The following QTRT1 variants were observed in gnomAD, a reference collection of about 807,000 sequenced individuals.
QTRT1 encodes the protein queuine tRNA-ribosyltransferase catalytic subunit 1.
Under a neutral mutation model 44.0 loss-of-function variants are expected in QTRT1, and 41 were observed. The observed-to-expected ratio is 0.93, with a 90% confidence interval of 0.73 to 1.21. The LOEUF is 1.21. QTRT1 is among the 50% of genes most tolerant of loss of function. The pLI, the probability that QTRT1 is intolerant of heterozygous loss-of-function variation, is 0.00. For missense variants in QTRT1, 542 were observed against 575.8 expected (o/e 0.94, Z 0.60); for synonymous variants, 226 against 237.1 (o/e 0.95, Z 0.43).
At position 10,712,285 on chromosome 19, in the gene QTRT1, T is replaced by C. The variant is rs1248351770; in HGVS notation, c.771T>C (p.Tyr257=). The stretch of plus-strand genomic sequence containing the variant: ...GGCTGCCGAAGGACAAGCCCCGATA[T>C]CTGATGGGGGTTGGGTATGTTGTGG... ...TSRLPKDKPR[Y]LMGVGYATDL... is the part of the protein sequence containing the mutation. The change falls in exon 6 of 10, where the codon TAT becomes TAC. Residue 257 remains tyrosine, a synonymous_variant. Transcript: ENST00000250237. This position sits in a 1 kb window ranked among gnomAD's most constrained non-coding sequence, Gnocchi z 5.6. 1 of 1,612,484 alleles carries C rather than the reference T, an allele frequency of 6.2e-7. No homozygotes were observed. Among genetic ancestry groups the C allele is most frequent in the East Asian group, 2.2e-5 (1 of 44,888 alleles).
chr19:10,704,991 C>T (rs1171592195), intron 3 of QTRT1, among the ~76,000 whole-genome samples: 3 of 151,302 alleles, frequency 2.0e-5, no homozygotes, highest in African/African-American at 7.3e-5. Context: ...TCTTGGCTCA[C>T]TGCAACCTCT....
rs892695956 is a variant in QTRT1, at chr19:10,712,056, ACTCT to A, written c.647-101_647-98del. ...CTGTCTGTCTCTGTCTGTTTCTCTG[ACTCT>A]CTCCCTGAGCGACTCTGGAAGTCTG... On this transcript the variant is annotated intron_variant, in intron 5 of 9. Transcript: ENST00000250237. The surrounding 1 kb of genome is among the most constrained non-coding windows in gnomAD (Gnocchi z 5.6). The A allele has an allele frequency of 1.4e-4, 195 of 1,416,860 alleles. 2 individuals are homozygous for A. The Admixed American group carries it at 3.3e-3, about 24-fold the overall frequency. 87.8% of individuals were successfully genotyped at this position (1,416,860 alleles called of 1,614,324 possible).
intron 3 of QTRT1, among the ~76,000 whole-genome samples, chr19:10,704,410 C>T (rs1269839363): frequency 6.6e-6 from 1 of 151,696 alleles, no homozygotes; most frequent in East Asian, 1.9e-4. Context: ...TCTCCTGCCT[C>T]AGCCTCCGGA....
At chr19:10,705,840 CTTTTTTTTTTTTTTT>C (rs71164114) in intron 3 of QTRT1, among the ~76,000 whole-genome samples, 2 of 37,700 alleles carry the variant, frequency 5.3e-5, no homozygotes, top group Admixed American at 7.9e-4. Context: ...CTGGCCTGTT[CTTTTTTTTTTTTTTT>C]TTTTTTTTTT....
intron 5 of QTRT1, among the ~76,000 whole-genome samples, chr19:10,708,439 T>C (rs1350424865): frequency 6.6e-6 from 1 of 152,170 alleles, no homozygotes; most frequent in Non-Finnish European, 1.5e-5. Flanking sequence ...ACCTTTTACA[T>C]GCAATGCTTT....
rs192025235 is a variant in QTRT1 at position 10,709,569 on chromosome 19, C to T, written c.646+1954C>T. 1.8e-4 allele frequency among the ~76,000 whole-genome samples: 28 copies of T among 152,230 alleles called. No individual in the cohort carries two copies. The East Asian group carries it at 3.7e-3, about 20-fold the overall frequency. ...TCTACTAAAAATACAAAAATTAGGCCGGGCGTGGTGGCTCGCGCCTGTAAT... is the reference window on the plus strand; with the variant it reads ...TCTACTAAAAATACAAAAATTAGGCTGGGCGTGGTGGCTCGCGCCTGTAAT... On this transcript the variant is annotated intron_variant, in intron 5 of 9. Transcript: ENST00000250237.
chr19:10,706,396 G>A (rs1443894718), intron 3 of QTRT1, among the ~76,000 whole-genome samples: 4 of 151,780 alleles, frequency 2.6e-5, no homozygotes, highest in Admixed American at 1.3e-4. Context: ...TTTTTGAGAC[G>A]GTGTCTCGCT....
At position 10,712,693 on chromosome 19, in the gene QTRT1, G is replaced by C; in HGVS notation, c.861+65G>C. On this transcript the variant is annotated intron_variant, in intron 7 of 9. Coordinates refer to ENST00000250237, the MANE Select transcript of QTRT1 (RefSeq NM_031209.3). The surrounding 1 kb of genome is among the most constrained non-coding windows in gnomAD (Gnocchi z 5.6). ...TGGGGGACTAGGGAGGCAAGGTTAG[G>C]GGTGGGGGGTGGGGAGAATGAAGCC... 1 of 694,992 alleles carries C rather than the reference G, an allele frequency of 1.4e-6. No individual in the cohort carries two copies. Among genetic ancestry groups the C allele is most frequent in the Non-Finnish European group, 2.4e-6 (1 of 410,982 alleles). The allele number at this position is 694,992 out of a possible 1,614,324, so 43.1% of individuals were successfully genotyped here.
chr19:10,713,069 G>C lies in QTRT1; in HGVS notation c.1059+29G>C. The C allele has an allele frequency of 6.2e-7, 1 of 1,608,944 alleles. No homozygotes were observed. Among genetic ancestry groups the C allele is most frequent in the Non-Finnish European group, 8.5e-7 (1 of 1,179,692 alleles). On this transcript the variant is annotated intron_variant, in intron 9 of 9. Transcript: ENST00000250237. The surrounding 1 kb of genome is among the most constrained non-coding windows in gnomAD (Gnocchi z 4.3). ...AGCCAGTGCCCGGGGCAAGGTGGGCGGGGGTGTCCTAGGTGCGTATGCCCC... is the reference window on the plus strand; with the variant it reads ...AGCCAGTGCCCGGGGCAAGGTGGGCCGGGGTGTCCTAGGTGCGTATGCCCC...
At position 10,701,701 on chromosome 19, in the gene QTRT1, C is replaced by T; in HGVS notation, c.241C>T (p.Pro81Ser). 6.3e-7 allele frequency: 1 copy of T among 1,575,484 alleles called. No individual in the cohort carries two copies. The highest frequency in any genetic ancestry group is 1.3e-5 in the African/African-American group (1 of 74,136). ...LGNTYHLGLR[P>S]GPELIQKANG... Reference sequence around the variant, plus strand: ...CAATACCTACCATCTGGGTCTAAGGCCGGTGGGTGGGCTCTGCCCGCGCGG... The same window carrying T: ...CAATACCTACCATCTGGGTCTAAGGTCGGTGGGTGGGCTCTGCCCGCGCGG... The change falls in exon 1 of 10, where the codon CCG becomes TCG. Residue 81 changes from proline to serine, a missense_variant and splice_region_variant. Physicochemically the swap from Pro to Ser is moderately conservative, Grantham distance 74. Transcript: ENST00000250237.
chr19:10,701,785 T>G, intron 1 of QTRT1, 82 bp downstream of exon 1: 2 of 1,563,082 alleles, frequency 1.3e-6, no homozygotes, highest in Non-Finnish European at 1.7e-6. Flanking sequence ...GCCCGGACAC[T>G]CCTCCCAAAG....
At chr19:10,705,156 C>T (rs1194736261) in intron 3 of QTRT1, among the ~76,000 whole-genome samples, 1 of 151,444 alleles carries the variant, frequency 6.6e-6, no homozygotes, top group South Asian at 2.1e-4. Flanking sequence ...TTCAGGTGGT[C>T]CACCTGCCTC....
intron 3 of QTRT1, among the ~76,000 whole-genome samples, chr19:10,705,195 G>A (rs533593100): frequency 2.6e-5 from 4 of 151,242 alleles, no homozygotes; most frequent in African/African-American, 7.3e-5. Flanking sequence ...GATTACAGGC[G>A]TGAGCCACCG....
At position 10,708,022 on chromosome 19, in the gene QTRT1, ACTGCAACCTCTGCCTCC is replaced by A. The variant is rs1162429048; in HGVS notation, c.646+418_646+434del. On this transcript the variant is annotated intron_variant, in intron 5 of 9. Coordinates refer to ENST00000250237, the MANE Select transcript of QTRT1 (RefSeq NM_031209.3). ...GAGTGCTGTGGCGCGATCTCGGCTC[ACTGCAACCTCTGCCTCC>A]CTGCAACCTCCGCCTCCCGGGTTCA... is the stretch of plus-strand genomic sequence containing the variant. 4.0e-5 allele frequency among the ~76,000 whole-genome samples: 6 copies of A among 150,166 alleles called. No homozygotes were observed. The East Asian group carries it at 1.2e-3, about 29-fold the overall frequency.
chr19:10,702,119 A>C lies in QTRT1; in HGVS notation c.316A>C (p.Ser106Arg). The C allele has an allele frequency of 6.2e-7, 1 of 1,614,128 alleles. No homozygotes were observed. Among genetic ancestry groups the C allele is most frequent in the Non-Finnish European group, 8.5e-7 (1 of 1,180,024 alleles). Residue 106 changes from serine to arginine, a missense_variant, in exon 3 of 10, where the codon AGC becomes CGC. Coordinates refer to ENST00000250237, the MANE Select transcript of QTRT1 (RefSeq NM_031209.3). ...TTTGCGGTGGGGTTTCCCTTAGGAC[A>C]GCGGCGGTTTCCAGATGGTGTCGCT... is the stretch of plus-strand genomic sequence containing the variant. ...MNWPHNLLTD[S>R]GGFQMVSLVS...
rs570187341 is a variant in QTRT1, at chr19:10,705,392, C to T, written c.452-1910C>T. Among the ~76,000 whole-genome samples, 5 of 151,396 alleles carry T rather than the reference C, an allele frequency of 3.3e-5. No homozygotes were observed. In the East Asian group the frequency reaches 9.7e-4, roughly 29 times the overall value. ...TAGCTGGGATTACAGGTGCCCATCACCACACCTGGCTAGTTTTTATATTTT... is the reference window on the plus strand; with the variant it reads ...TAGCTGGGATTACAGGTGCCCATCATCACACCTGGCTAGTTTTTATATTTT... On this transcript the variant is annotated intron_variant, in intron 3 of 9. Coordinates refer to ENST00000250237, the MANE Select transcript of QTRT1 (RefSeq NM_031209.3).
rs1224249567 is a variant in QTRT1 at position 10,712,511 on chromosome 19, C to T, written c.786-42C>T. On this transcript the variant is annotated intron_variant, in intron 6 of 9. Transcript: ENST00000250237. The surrounding 1 kb of genome is among the most constrained non-coding windows in gnomAD (Gnocchi z 5.6). The stretch of plus-strand genomic sequence containing the variant: ...GGGTTGGGAGGGGCCCTGGGAAGCC[C>T]CTGAGGTTCTCTGCCCCCTCCCGTC... 6.3e-7 allele frequency: 1 copy of T among 1,574,952 alleles called. No individual in the cohort carries two copies. Among genetic ancestry groups the T allele is most frequent in the Non-Finnish European group, 8.7e-7 (1 of 1,144,854 alleles).
Position 10,702,205 on chromosome 19 carries a change from T to C in QTRT1, c.402T>C (p.Asn134=), listed in dbSNP as rs767910965. ...GCTTCCGCTCCCCCTACGACGGCAA[T>C]GAGACCCTGCTGAGCCCGGAGAAAT... is the stretch of plus-strand genomic sequence containing the variant. ...GVRFRSPYDG[N]ETLLSPEKSV... is the part of the protein sequence containing the mutation. Residue 134 remains asparagine (N), a synonymous_variant, in exon 3 of 10, where the codon AAT becomes AAC. Coordinates refer to ENST00000250237, the MANE Select transcript of QTRT1 (RefSeq NM_031209.3). The C allele has an allele frequency of 9.3e-6, 15 of 1,613,890 alleles. No homozygotes were observed. Among genetic ancestry groups the C allele is most frequent in the Non-Finnish European group, 8.5e-7 (1 of 1,179,976 alleles).
rs773124289 is a variant in QTRT1, at chr19:10,712,863, C to G, written c.967C>G (p.Gln323Glu). The part of the protein sequence containing the change: ...IDPECTCPTC[Q>E]KHSRAFLHAL... ...CCCGGAGTGCACCTGCCCCACGTGC[C>G]AAAAGTAGGCAGGATGGCACTGGGA... Residue 323 changes from glutamine (Q) to glutamate (E), a missense_variant, in exon 8 of 10, where the codon CAA becomes GAA. Gln to Glu is a conservative substitution (Grantham distance 29). Coordinates refer to ENST00000250237, the MANE Select transcript of QTRT1 (RefSeq NM_031209.3). This position sits in a 1 kb window ranked among gnomAD's most constrained non-coding sequence, Gnocchi z 5.6. 13 of 1,613,566 alleles carry G rather than the reference C, an allele frequency of 8.1e-6. No individual in the cohort carries two copies. In the East Asian group the frequency reaches 2.7e-4, roughly 33 times the overall value.
Sources: gnomAD v4.1 joint callset for allele counts (sites outside exome capture counted in the v4.1 genomes callset) on GRCh38, gnomAD v4.1.1 for gene constraint, Gnocchi (gnomAD v3.1) non-coding constraint, MANE v1.5 for transcripts, NCBI Gene and HGNC (gene_info 2026-07-23, HGNC 2026-07-21) for gene names.